WWOX: variants seen among roughly 807,000 people sequenced by gnomAD.
WWOX encodes the protein WW domain containing oxidoreductase, also known as WW domain-containing oxidoreductase.
Under a neutral mutation model 46.2 loss-of-function variants are expected in WWOX, and 69 were observed. The observed-to-expected ratio is 1.49, with a 90% CI of 1.23 to 1.82. The LOEUF (loss-of-function observed/expected upper bound fraction) is 1.82. Ranked by LOEUF, WWOX falls within the 40% of genes most tolerant of loss-of-function variation. The pLI, the probability that WWOX is intolerant of heterozygous loss-of-function variation, is 0.00. For synonymous variants in WWOX, 359 were observed against 202.6 expected, an observed-to-expected ratio of 1.77 and a Z score of -6.56; for missense variants, 919 against 542.6, an observed-to-expected ratio of 1.69 and a Z score of -6.89.
intron 8 of WWOX, among the ~76,000 whole-genome samples, chr16:79,096,647 C>G (rs1324936083): frequency 3.3e-5 from 5 of 152,188 alleles, no homozygotes; most frequent in African/African-American, 1.2e-4. Flanking sequence ...TCCATATTAT[C>G]ATTGCCATCA....
chr16:78,815,448 C>T (rs921098245), intron 8 of WWOX, among the ~76,000 whole-genome samples: 8 of 152,192 alleles, frequency 5.3e-5, no homozygotes, highest in African/African-American at 1.9e-4. Context: ...CTGCACCGAC[C>T]TTTACAAACA....
intron 8 of WWOX, among the ~76,000 whole-genome samples, chr16:78,822,226 G>A (rs534266750): frequency 6.6e-6 from 1 of 152,268 alleles, no homozygotes; most frequent in East Asian, 1.9e-4. Context: ...AGGTGTGGTG[G>A]CTTACCCCTG....
chr16:78,740,264 C>G (rs1567528399), intron 8 of WWOX, among the ~76,000 whole-genome samples: 2 of 152,166 alleles, frequency 1.3e-5, no homozygotes, highest in African/African-American at 2.4e-5. Context: ...GCTGATGCGA[C>G]TCAGACGGCT....
At chr16:78,964,485 C>A (rs111447024) in intron 8 of WWOX, among the ~76,000 whole-genome samples, 1 of 151,994 alleles carries the variant, frequency 6.6e-6, no homozygotes, top group East Asian at 1.9e-4. Context: ...GGTATCTGGC[C>A]GAAGAAATTT....
At chr16:78,263,527 C>G (rs2079291300) in intron 5 of WWOX, among the ~76,000 whole-genome samples, 1 of 152,114 alleles carries the variant, frequency 6.6e-6, no homozygotes, top group Non-Finnish European at 1.5e-5. Context: ...GATGAAACGC[C>G]TCTTAATCAA....
rs1242687456 is a variant in WWOX, at chr16:78,379,027, CTG to C, written c.517-7829_517-7828del. On this transcript the variant is annotated intron_variant, in intron 5 of 8. Transcript: ENST00000566780. ...CCACATCTCAGTTGGCAACACGTATCTGTGTCTTACTAGCTTGGCCACTGTCA... is the reference window on the plus strand; with the variant it reads ...CCACATCTCAGTTGGCAACACGTATCTGTCTTACTAGCTTGGCCACTGTCA... Among the ~76,000 whole-genome samples, 5 of 152,308 alleles carry C rather than the reference CTG, an allele frequency of 3.3e-5. No individual in the cohort carries two copies. The South Asian group carries it at 8.3e-4, about 25-fold the overall frequency.
chr16:79,143,307 T>A (rs1237230775), intron 8 of WWOX, among the ~76,000 whole-genome samples: 1 of 152,214 alleles, frequency 6.6e-6, no homozygotes, highest in Non-Finnish European at 1.5e-5. Context: ...ACAAAAACTG[T>A]TACCGCCTAA....
chr16:78,459,402 C>A (rs557198760), intron 8 of WWOX, among the ~76,000 whole-genome samples: 2 of 152,180 alleles, frequency 1.3e-5, no homozygotes, highest in African/African-American at 4.8e-5. Flanking sequence ...ACAAGTGGAG[C>A]GTGATTTCAT....
intron 5 of WWOX, among the ~76,000 whole-genome samples, chr16:78,323,928 C>A (rs1469824713): frequency 6.6e-6 from 1 of 152,086 alleles, no homozygotes; most frequent in Non-Finnish European, 1.5e-5. Flanking sequence ...CATAGATGCC[C>A]CTTTACTGAG....
chr16:78,799,653 G>T (rs1289366083), intron 8 of WWOX, among the ~76,000 whole-genome samples: 1 of 152,074 alleles, frequency 6.6e-6, no homozygotes, highest in Non-Finnish European at 1.5e-5. Context: ...CTCATGTTCT[G>T]TGGCACTTTG....
At chr16:78,685,382 A>G (rs974709716) in intron 8 of WWOX, among the ~76,000 whole-genome samples, 3 of 152,184 alleles carry the variant, frequency 2.0e-5, no homozygotes, top group Admixed American at 1.3e-4. Context: ...GTCTGACACA[A>G]TAAGGCCATA....
chr16:78,719,080 C>A (rs570446084), intron 8 of WWOX, among the ~76,000 whole-genome samples: 1 of 152,294 alleles, frequency 6.6e-6, no homozygotes, highest in East Asian at 1.9e-4. Context: ...TTGGTGAAGA[C>A]TATGAGCCCC....
At chr16:78,425,578 A>C (rs1166476968) in intron 7 of WWOX, among the ~76,000 whole-genome samples, 1 of 152,204 alleles carries the variant, frequency 6.6e-6, no homozygotes, top group African/African-American at 2.4e-5. Flanking sequence ...ATTTCAATTA[A>C]AACATCAGAT....
At chr16:78,813,264 AT>A (rs201777111) in intron 8 of WWOX, among the ~76,000 whole-genome samples, 53 of 151,908 alleles carry the variant, frequency 3.5e-4, no homozygotes, top group African/African-American at 8.0e-4. Context: ...TTTTCATTTA[AT>A]TTTTTTTCCC....
At chr16:78,323,500 A>G (rs936016501) in intron 5 of WWOX, among the ~76,000 whole-genome samples, 1 of 151,556 alleles carries the variant, frequency 6.6e-6, no homozygotes, top group Non-Finnish European at 1.5e-5. Context: ...TGCTTTTTCT[A>G]CCCTCCTCTT....
In WWOX at chr16:79,040,807, G is replaced by T. The variant is rs12325019; in HGVS notation, c.1057-170801G>T. ...TCTGAGTGCTTTGTCCTTGTCCGGA[G>T]AGCTCGGGGAGGAGCAAGGTTGTAC... On this transcript the variant is annotated intron_variant, in intron 8 of 8. Transcript: ENST00000566780. 3.9e-5 allele frequency among the ~76,000 whole-genome samples: 6 copies of T among 151,958 alleles called. No homozygotes were observed. The South Asian group carries it at 1.2e-3, about 32-fold the overall frequency.
At chr16:78,144,648 A>G (rs1044251586) in intron 4 of WWOX, among the ~76,000 whole-genome samples, 6 of 148,110 alleles carry the variant, frequency 4.1e-5, no homozygotes, top group Non-Finnish European at 7.4e-5. Context: ...CAGCCTCCCA[A>G]TAGCTGGGAT....
chr16:79,203,991 C>G (rs1216031672), intron 8 of WWOX: 1 of 152,132 alleles, frequency 6.6e-6, no homozygotes, highest in Non-Finnish European at 1.5e-5. Flanking sequence ...GCACGGGCAT[C>G]AAGGTGGCCC....
chr16:78,964,150 T>G (rs2046323137), intron 8 of WWOX, among the ~76,000 whole-genome samples: 1 of 152,142 alleles, frequency 6.6e-6, no homozygotes, highest in African/African-American at 2.4e-5. Flanking sequence ...GAGTGGGGCA[T>G]TGCTGAAAAG....
Sources: allele counts gnomAD v4.1 joint callset (sites outside exome capture counted in the v4.1 genomes callset), GRCh38; gene constraint gnomAD v4.1.1; transcripts MANE v1.5; gene names NCBI Gene and HGNC (gene_info 2026-07-23, HGNC 2026-07-21).